RTN4: variants seen among roughly 807,000 people sequenced by gnomAD.
The protein encoded by RTN4 is reticulon-4.
A neutral mutation model predicts 90.4 loss-of-function variants in RTN4; 32 were observed. The ratio of observed to expected loss-of-function variants is 0.35; its 90% CI spans 0.27 to 0.48. RTN4 has a LOEUF of 0.48. RTN4 is among the 20% of genes least tolerant of loss of function. RTN4 has a pLI of 0.99. For synonymous variants in RTN4, 629 were observed against 552.5 expected (o/e 1.14, Z -1.94); for missense variants, 1,706 against 1,430.2 (o/e 1.19, Z -3.11).
intron 2 of RTN4, among the ~76,000 whole-genome samples, chr2:55,073,734 G>A (rs1213419667): frequency 6.6e-6 from 1 of 152,212 alleles, no homozygotes; most frequent in African/African-American, 2.4e-5. Context: ...TCTATGCACT[G>A]AAAATTTCAA....
In RTN4 at chr2:55,037,442, G is replaced by T. The variant is rs1458118029; in HGVS notation, c.557-9222C>A. Among the ~76,000 whole-genome samples, 3 of 152,196 alleles carry T rather than the reference G, an allele frequency of 2.0e-5. No individual in the cohort carries two copies. In the East Asian group the frequency reaches 5.8e-4, roughly 29 times the overall value. On this transcript the variant is annotated intron_variant, in intron 1 of 8. Transcript: ENST00000337526. ...GCCATGCTTATTATATGACACAAAA[G>T]ATTTGTTTCCCTAAGCTTAAGATTT...
intron 1 of RTN4, among the ~76,000 whole-genome samples, chr2:55,040,682 A>G (rs1683011091): frequency 6.6e-6 from 1 of 152,092 alleles, no homozygotes; most frequent in African/African-American, 2.4e-5. Flanking sequence ...AGAGCAGAAA[A>G]TTCTTTACAA....
At position 55,027,106 on chromosome 2, in the gene RTN4, T is replaced by A. The variant is rs1460357326; in HGVS notation, c.993A>T (p.Glu331Asp). The change falls in exon 3 of 9, where the codon GAA becomes GAT. Residue 331 changes from glutamate (E) to aspartate (D), a missense_variant. Transcript: ENST00000337526. ...GGATGTTATTACTAACTAACTTCTC[T>A]TCTTCATCTTTATTTTTCACGATTA... ...EEIIVKNKDE[E>D]EKLVSNNILH... 1.9e-6 allele frequency: 3 copies of A among 1,613,438 alleles called. No individual in the cohort carries two copies. Among genetic ancestry groups the A allele is most frequent in the Non-Finnish European group, 2.5e-6 (3 of 1,179,766 alleles).
In RTN4 at chr2:54,972,622, C is replaced by CTT. The variant is rs1677161741; in HGVS notation, c.*532_*533dup. On this transcript the variant is annotated 3_prime_UTR_variant, in exon 9 of 9. Transcript: ENST00000337526. ...ACTATACATATATAATCTATATTTA[C>CTT]TTATATTGGCAATTAATATAACAGT... 6.6e-6 allele frequency: 1 copy of CTT among 152,596 alleles called. No individual in the cohort carries two copies. The highest frequency in any genetic ancestry group is 2.1e-4 in the South Asian group (1 of 4,792). The allele number at this position is 152,596 out of a possible 1,614,324, so 9.5% of individuals were successfully genotyped here.
rs1434807460 is a variant in RTN4, at chr2:55,025,323, G to A, written c.2776C>T (p.Pro926Ser). ...AAACTGATTTTCTCTTCAACTTTGG[G>A]TTGTATGTTCTTCAAAGAAAGGTCA... The part of the protein sequence containing the change: ...PHDLSLKNIQ[P>S]KVEEKISFSD... The change falls in exon 3 of 9, where the codon CCC (proline) becomes TCC (serine). Residue 926 changes from proline (P) to serine (S), a missense_variant. Transcript: ENST00000337526. 3 of 1,613,920 alleles carry A rather than the reference G, an allele frequency of 1.9e-6. No individual in the cohort carries two copies. The East Asian group carries it at 6.7e-5, about 36-fold the overall frequency.
chr2:55,059,184 G>A (rs1668245026), intron 2 of RTN4, among the ~76,000 whole-genome samples: 4 of 151,974 alleles, frequency 2.6e-5, no homozygotes, highest in African/African-American at 7.3e-5. Flanking sequence ...AAATTTCATT[G>A]TCAAAGCTCT....
chr2:55,043,942 C>G (rs576408136), intron 1 of RTN4, among the ~76,000 whole-genome samples: 3 of 151,938 alleles, frequency 2.0e-5, no homozygotes, highest in African/African-American at 7.3e-5. Context: ...GGTGTGGTGG[C>G]TCACGCCTGT....
At chr2:55,095,302 C>T (rs754408706) in intron 1 of RTN4, among the ~76,000 whole-genome samples, 8 of 151,072 alleles carry the variant, frequency 5.3e-5, no homozygotes, top group Non-Finnish European at 1.2e-4. Context: ...CTAGTCTGGG[C>T]GACAGAGTGA....
chr2:55,070,369 T>A (rs1668485179), intron 2 of RTN4, among the ~76,000 whole-genome samples: 1 of 150,076 alleles, frequency 6.7e-6, no homozygotes, highest in South Asian at 2.1e-4. Context: ...CATAGCGAGA[T>A]CTTGTCTCTA....
At chr2:55,099,754 C>T (rs544983091) in intron 1 of RTN4, among the ~76,000 whole-genome samples, 14 of 152,186 alleles carry the variant, frequency 9.2e-5, no homozygotes, top group African/African-American at 3.4e-4. Flanking sequence ...CTTATCTGTG[C>T]TTCAGTTTTT....
Position 54,973,043 on chromosome 2 carries a change from G to T in RTN4, c.*113C>A. ...TGGCTAAAAATAAAGATCTAACAAC[G>T]ATCTGTGAAACTGCACTGCAACGTC... is the stretch of plus-strand genomic sequence containing the variant. On this transcript the variant is annotated 3_prime_UTR_variant, in exon 9 of 9. Coordinates refer to ENST00000337526, the MANE Select transcript of RTN4 (RefSeq NM_020532.5). The T allele has an allele frequency of 3.7e-6, 3 of 801,004 alleles. No homozygotes were observed. The highest frequency in any genetic ancestry group is 3.5e-5 in the South Asian group (2 of 56,722). 49.6% of individuals were successfully genotyped at this position (801,004 alleles called of 1,614,324 possible). A position where few individuals can be genotyped will look rare whatever the true frequency, so the allele number is the denominator to read the frequency against.
At chr2:55,101,707 T>C (rs185529192) in intron 1 of RTN4, among the ~76,000 whole-genome samples, 1 of 152,306 alleles carries the variant, frequency 6.6e-6, no homozygotes, top group Admixed American at 6.5e-5. Flanking sequence ...TGTCCTCATA[T>C]GATGGTATGA....
At chr2:55,097,354 T>G (rs1667761379) in intron 1 of RTN4, among the ~76,000 whole-genome samples, 1 of 151,766 alleles carries the variant, frequency 6.6e-6, no homozygotes, top group Non-Finnish European at 1.5e-5. Flanking sequence ...GAATCAGAAT[T>G]TCTGGGGTTG....
chr2:55,022,043 G>A (rs1049253072), intron 3 of RTN4, among the ~76,000 whole-genome samples: 9 of 152,114 alleles, frequency 5.9e-5, no homozygotes, highest in Non-Finnish European at 1.0e-4. Flanking sequence ...CAAAGGCAAT[G>A]CCCCCTTTTC....
intron 1 of RTN4, among the ~76,000 whole-genome samples, chr2:55,035,214 T>C (rs1682594369): frequency 6.6e-6 from 1 of 152,140 alleles, no homozygotes; most frequent in South Asian, 2.1e-4. Context: ...ACCAACAATA[T>C]AATACACATT....
intron 3 of RTN4, among the ~76,000 whole-genome samples, chr2:55,013,770 T>C (rs1392811915): frequency 6.6e-6 from 1 of 152,190 alleles, no homozygotes; most frequent in Non-Finnish European, 1.5e-5. Flanking sequence ...ATTTCTTTCT[T>C]TCCTCTACTT....
chr2:55,049,063 G>T (rs1667942565), intron 1 of RTN4: 3 of 976,842 alleles, frequency 3.1e-6, no homozygotes, highest in Non-Finnish European at 2.4e-6. Context: ...GGAGCTGGGC[G>T]GTGGCAGGAC....
At chr2:55,114,527 C>T (rs574930080), upstream of RTN4, among the ~76,000 whole-genome samples, 89 of 152,220 alleles carry the variant, frequency 5.8e-4, no homozygotes, top group Middle Eastern at 0.014. Flanking sequence ...GGTGAAACCC[C>T]GTCGCTACTA....
chr2:55,117,814 T>A, the RTN4 span, among the ~76,000 whole-genome samples: 144 of 152,288 alleles, frequency 9.5e-4, no homozygotes, highest in African/African-American at 3.2e-3. Flanking sequence ...AGGAGAGTGA[T>A]TACCTTTGGG....
Sources: allele counts gnomAD v4.1 joint callset (sites outside exome capture counted in the v4.1 genomes callset), GRCh38; gene constraint gnomAD v4.1.1; transcripts MANE v1.5; gene names NCBI Gene and HGNC (gene_info 2026-07-23, HGNC 2026-07-21).